PCDH11X: variants seen among roughly 807,000 people sequenced by gnomAD.
PCDH11X encodes the protein protocadherin 11 X-linked.
PCDH11X carries 18 observed loss-of-function variants against 53.3 expected under a neutral mutation model. The observed-to-expected ratio is 0.34, with a 90% CI of 0.23 to 0.50. The LOEUF (loss-of-function observed/expected upper bound fraction) is 0.50. Ranked by LOEUF, PCDH11X falls within the 20% of genes least tolerant of loss-of-function variation. The pLI, the probability that PCDH11X is intolerant of heterozygous loss-of-function variation, is 0.98. For synonymous variants in PCDH11X, 279 were observed against 393.3 expected (o/e 0.71, Z 3.44); for missense variants, 570 against 1,032.4 (o/e 0.55, Z 6.14).
At chrX:92,398,536 C>A (rs189652155) in intron 9 of PCDH11X, among the ~76,000 whole-genome samples, 3 of 111,603 alleles carry the variant, frequency 2.7e-5, no homozygotes, top group African/African-American at 9.8e-5. Flanking sequence ...AATTTTAATA[C>A]CCATAAGATT....
chrX:92,093,880 T>C (rs2064088937), intron 6 of PCDH11X, among the ~76,000 whole-genome samples: 1 of 111,077 alleles, frequency 9.0e-6, no homozygotes, highest in African/African-American at 3.3e-5. Flanking sequence ...AGAGATGAAC[T>C]CTCCAATCAT....
intron 6 of PCDH11X, among the ~76,000 whole-genome samples, chrX:91,963,121 C>T (rs756720403): frequency 8.9e-6 from 1 of 112,072 alleles, no homozygotes; most frequent in East Asian, 2.8e-4. Flanking sequence ...ATGCAAATTC[C>T]TGCTGCCAGC....
At chrX:92,586,458 G>C (rs1411436792) in intron 10 of PCDH11X, among the ~76,000 whole-genome samples, 1 of 106,099 alleles carries the variant, frequency 9.4e-6, no homozygotes, top group Admixed American at 1.0e-4. Flanking sequence ...ACTATGGATT[G>C]ATTAATGGTC....
intron 6 of PCDH11X, among the ~76,000 whole-genome samples, chrX:92,098,992 T>C (rs1030674993): frequency 6.2e-5 from 7 of 112,004 alleles, no homozygotes; most frequent in Non-Finnish European, 1.3e-4. Context: ...CATATGGATC[T>C]GTGTGTTCCT....
rs201375116 is a variant in PCDH11X, at chrX:91,782,796, T to C, written c.-379+3112T>C. On this transcript the variant is annotated intron_variant, in intron 1 of 10. Coordinates refer to ENST00000682573, the MANE Select transcript of PCDH11X (RefSeq NM_032968.5). ...CTTTAAGACGGAAGCCCGCTGCGGC[T>C]TCCCTTTTGAGCTTGCTCTTATAGT... Among the ~76,000 whole-genome samples, 16 of 111,881 alleles carry C rather than the reference T, an allele frequency of 1.4e-4. No individual in the cohort carries two copies. The East Asian group carries it at 4.3e-3, about 30-fold the overall frequency.
In PCDH11X at chrX:92,347,148, T is replaced by A. The variant is rs777833928; in HGVS notation, c.3145-40587T>A. 6.3e-5 allele frequency among the ~76,000 whole-genome samples: 7 copies of A among 111,939 alleles called. 1 individual carries two copies. In the Admixed American group the frequency reaches 6.7e-4, roughly 11 times the overall value. The stretch of plus-strand genomic sequence containing the variant: ...TTGATTTATAAAATATATTTTAAAA[T>A]TATTTGCATATGTGGACATATCTGT... On this transcript the variant is annotated intron_variant, in intron 8 of 10. Coordinates refer to ENST00000682573, the MANE Select transcript of PCDH11X (RefSeq NM_032968.5).
rs182078386 is a variant in PCDH11X at position 92,497,897 on chromosome X, G to C, written c.3367+29575G>C. Among the ~76,000 whole-genome samples the C allele has an allele frequency of 7.1e-3, 790 of 111,348 alleles. 5 individuals carry two copies. The highest frequency in any genetic ancestry group is 0.025 in the African/African-American group (759 of 30,684). ...TCAAAATTTTGTCTGATATGCTGTC[G>C]TAAAGGTTGCTATGCCCTTATTTGT... On this transcript the variant is annotated intron_variant, in intron 10 of 10. Transcript: ENST00000682573.
chrX:91,985,311 C>T (rs2062211889), intron 6 of PCDH11X, among the ~76,000 whole-genome samples: 1 of 111,474 alleles, frequency 9.0e-6, no homozygotes, highest in Non-Finnish European at 1.9e-5. Context: ...TTGAGATCAG[C>T]CTGACCAACA....
At chrX:92,120,075 C>T (rs1204927241) in intron 6 of PCDH11X, among the ~76,000 whole-genome samples, 1 of 110,097 alleles carries the variant, frequency 9.1e-6, no homozygotes, top group African/African-American at 3.3e-5. Flanking sequence ...AAAGTCATGC[C>T]TATACCATCC....
intron 7 of PCDH11X, among the ~76,000 whole-genome samples, chrX:92,231,803 A>G (rs1204434284): frequency 8.9e-6 from 1 of 112,097 alleles, no homozygotes; most frequent in African/African-American, 3.2e-5. Flanking sequence ...TCTTATGGAC[A>G]TTGGCTAGTA....
intron 8 of PCDH11X, among the ~76,000 whole-genome samples, chrX:92,370,366 T>C (rs1158512448): frequency 9.2e-6 from 1 of 108,732 alleles, no homozygotes; most frequent in Non-Finnish European, 1.9e-5. Flanking sequence ...TTTGGAAAAA[T>C]GTGTACTCTT....
chrX:92,346,187 C>A (rs2069892633), intron 8 of PCDH11X, among the ~76,000 whole-genome samples: 1 of 110,653 alleles, frequency 9.0e-6, no homozygotes, highest in Admixed American at 9.7e-5. Context: ...CCTTCCTTGA[C>A]ATTTTGAAGT....
intron 10 of PCDH11X, among the ~76,000 whole-genome samples, chrX:92,608,254 C>T (rs1225228197): frequency 1.0e-5 from 1 of 96,253 alleles, no homozygotes; most frequent in Non-Finnish European, 2.0e-5. Context: ...TTATACTAAT[C>T]ATTTATAAAG....
intron 8 of PCDH11X, among the ~76,000 whole-genome samples, chrX:92,317,069 G>A (rs1338025424): frequency 9.0e-6 from 1 of 111,447 alleles, no homozygotes; most frequent in Non-Finnish European, 1.9e-5. Context: ...AAAACTGTTC[G>A]TTTTTAAACT....
chrX:92,357,453 G>T (rs2070237362), intron 8 of PCDH11X, among the ~76,000 whole-genome samples: 1 of 109,597 alleles, frequency 9.1e-6, no homozygotes, highest in African/African-American at 3.3e-5. Flanking sequence ...CACCCCTAAG[G>T]TGATAGTATT....
intron 10 of PCDH11X, among the ~76,000 whole-genome samples, chrX:92,471,954 G>T (rs1432885412): frequency 1.8e-5 from 2 of 110,100 alleles, no homozygotes; most frequent in African/African-American, 3.3e-5. Flanking sequence ...TAATGGAGTT[G>T]TTTTTTTTCT....
chrX:92,001,819 G>A (rs1279397617), intron 6 of PCDH11X, among the ~76,000 whole-genome samples: 1 of 110,455 alleles, frequency 9.1e-6, no homozygotes, highest in Non-Finnish European at 1.9e-5. Context: ...CAGATGGGTA[G>A]TTTGCAAATA....
intron 8 of PCDH11X, among the ~76,000 whole-genome samples, chrX:92,360,167 G>T (rs1047928015): frequency 7.2e-5 from 8 of 110,879 alleles, no homozygotes; most frequent in Admixed American, 5.8e-4. Context: ...TACTTGTAGG[G>T]TATTTTATAC....
chrX:92,508,572 T>C (rs1271732875), intron 10 of PCDH11X, among the ~76,000 whole-genome samples: 1 of 111,225 alleles, frequency 9.0e-6, no homozygotes, highest in African/African-American at 3.3e-5. Context: ...TCAAAATTTA[T>C]AATGCTTTAT....
Sources: allele counts gnomAD v4.1 joint callset (sites outside exome capture counted in the v4.1 genomes callset), GRCh38; gene constraint gnomAD v4.1.1; transcripts MANE v1.5; gene names NCBI Gene and HGNC (gene_info 2026-07-23, HGNC 2026-07-21).